The following CNTNAP2 variants were observed in gnomAD, a reference collection of about 807,000 sequenced individuals.
CNTNAP2 encodes contactin associated protein 2.
CNTNAP2 carries 98 observed loss-of-function variants against 155.2 expected under a neutral mutation model. The observed-to-expected ratio is 0.63, with a 90% CI of 0.54 to 0.75. The LOEUF (loss-of-function observed/expected upper bound fraction) is 0.75, where lower values mean the gene tolerates loss of function less well. Among genes scored for constraint, CNTNAP2 ranks in the 30% least tolerant of loss-of-function variants. The pLI is 0.00. For synonymous variants in CNTNAP2, 651 were observed against 631.2 expected, an observed-to-expected ratio of 1.03 and a Z score of -0.47; for missense variants, 1,727 against 1,688.1, an observed-to-expected ratio of 1.02 and a Z score of -0.40.
At chr7:146,490,388 T>A (rs1797120981) in intron 1 of CNTNAP2, among the ~76,000 whole-genome samples, 1 of 152,188 alleles carries the variant, frequency 6.6e-6, no homozygotes, top group African/African-American at 2.4e-5. Flanking sequence ...TGCTAAGTAT[T>A]GGTAAGTTGT....
intron 1 of CNTNAP2, among the ~76,000 whole-genome samples, chr7:146,735,554 C>A (rs28694325): frequency 0.011 from 1,731 of 151,598 alleles, 33 homozygotes; most frequent in African/African-American, 0.039. Flanking sequence ...GACTCTGTCT[C>A]AAAAAAACAC....
At chr7:148,298,144 C>T (rs1160874373) in intron 21 of CNTNAP2, among the ~76,000 whole-genome samples, 1 of 152,106 alleles carries the variant, frequency 6.6e-6, no homozygotes, top group Non-Finnish European at 1.5e-5. Flanking sequence ...CATATGTGAC[C>T]TTAATCCTAT....
At chr7:146,725,072 CT>C (rs1421563599) in intron 1 of CNTNAP2, among the ~76,000 whole-genome samples, 1 of 152,064 alleles carries the variant, frequency 6.6e-6, no homozygotes, top group Admixed American at 6.6e-5. Context: ...CTGGCGGTTG[CT>C]GTTAGTCCTT....
At chr7:146,456,272 C>T (rs1279096491) in intron 1 of CNTNAP2, among the ~76,000 whole-genome samples, 1 of 152,124 alleles carries the variant, frequency 6.6e-6, no homozygotes, top group Non-Finnish European at 1.5e-5. Flanking sequence ...TTAATGTTTT[C>T]AGCAAAGCCA....
At chr7:147,519,386 C>T (rs188264588) in intron 11 of CNTNAP2, among the ~76,000 whole-genome samples, 1 of 152,186 alleles carries the variant, frequency 6.6e-6, no homozygotes, top group East Asian at 1.9e-4. Context: ...TTCTATTGGG[C>T]CCATCTAAAA....
intron 9 of CNTNAP2, among the ~76,000 whole-genome samples, chr7:147,376,281 A>G (rs1450966727): frequency 1.3e-5 from 2 of 152,068 alleles, no homozygotes; most frequent in Middle Eastern, 3.4e-3. Context: ...GAAGGAGAGA[A>G]ATGAGGAACA....
intron 4 of CNTNAP2, among the ~76,000 whole-genome samples, chr7:147,106,245 A>C (rs939533084): frequency 1.3e-5 from 2 of 152,132 alleles, no homozygotes; most frequent in African/African-American, 4.8e-5. Flanking sequence ...TCTAGAGTTC[A>C]GAATTTACTG....
intron 1 of CNTNAP2, among the ~76,000 whole-genome samples, chr7:146,660,639 G>T (rs773480647): frequency 8.5e-5 from 13 of 152,152 alleles, no homozygotes; most frequent in Non-Finnish European, 1.3e-4. Flanking sequence ...CAATAAATGG[G>T]AGGTGTTATT....
At chr7:148,013,467 C>A (rs1802118013) in intron 15 of CNTNAP2, among the ~76,000 whole-genome samples, 4 of 152,130 alleles carry the variant, frequency 2.6e-5, no homozygotes, top group Admixed American at 2.6e-4. Context: ...CAGGCATCAC[C>A]TGGAGACAGA....
At chr7:147,881,153 G>A (rs536302584) in intron 13 of CNTNAP2, among the ~76,000 whole-genome samples, 5 of 152,238 alleles carry the variant, frequency 3.3e-5, no homozygotes, top group South Asian at 4.1e-4. Context: ...AGTTGTTGAA[G>A]AATGAAAAGG....
chr7:147,534,401 T>C (rs115036350), intron 11 of CNTNAP2, among the ~76,000 whole-genome samples: 1 of 152,194 alleles, frequency 6.6e-6, no homozygotes, highest in East Asian at 1.9e-4. Context: ...TTATATTTCT[T>C]AACAAGTTAG....
At chr7:148,348,424 A>C (rs1798363649) in intron 21 of CNTNAP2, among the ~76,000 whole-genome samples, 1 of 152,242 alleles carries the variant, frequency 6.6e-6, no homozygotes, top group African/African-American at 2.4e-5. Context: ...ATAACCCATC[A>C]TTCAGTTTAA....
At chr7:146,608,637 G>T (rs967109553) in intron 1 of CNTNAP2, among the ~76,000 whole-genome samples, 1 of 152,052 alleles carries the variant, frequency 6.6e-6, no homozygotes, top group African/African-American at 2.4e-5. Flanking sequence ...TAAGTATAAA[G>T]AATTGTCTTT....
chr7:146,397,836 G>A (rs1795651979), intron 1 of CNTNAP2, among the ~76,000 whole-genome samples: 1 of 151,000 alleles, frequency 6.6e-6, no homozygotes, highest in African/African-American at 2.5e-5. Flanking sequence ...GTAGAACTAT[G>A]TCAATATTAA....
Position 147,027,600 on chromosome 7 carries a change from G to T in CNTNAP2, c.403-16307G>T, listed in dbSNP as rs558691171. ...TCTATGTTTTAGGATAAGTAATTAG[G>T]TTCTCACAGACTGAGATTTTCATTT... On this transcript the variant is annotated intron_variant, in intron 3 of 23. Transcript: ENST00000361727. Among the ~76,000 whole-genome samples, 7 of 152,310 alleles carry T rather than the reference G, an allele frequency of 4.6e-5. No homozygotes were observed. In the South Asian group the frequency reaches 8.3e-4, roughly 18 times the overall value.
chr7:147,527,015 CTTTTTTTTTTT>C (rs888976222), intron 11 of CNTNAP2, among the ~76,000 whole-genome samples: 5 of 65,168 alleles, frequency 7.7e-5, no homozygotes, highest in East Asian at 8.8e-4. Flanking sequence ...ACAGGCATTT[CTTTTTTTTTTT>C]TTTTTTTTTT....
intron 1 of CNTNAP2, among the ~76,000 whole-genome samples, chr7:146,673,042 A>T (rs572435878): frequency 6.6e-6 from 1 of 151,434 alleles, no homozygotes; most frequent in Admixed American, 6.6e-5. Context: ...TTTACTTCTC[A>T]TTTTTTTTCC....
chr7:146,822,096 G>T (rs1803297055), intron 2 of CNTNAP2, among the ~76,000 whole-genome samples: 1 of 152,100 alleles, frequency 6.6e-6, no homozygotes, highest in African/African-American at 2.4e-5. Context: ...CGATAGACTG[G>T]ATTAAGAAAA....
At chr7:146,653,233 C>T (rs1177596713) in intron 1 of CNTNAP2, among the ~76,000 whole-genome samples, 2 of 152,124 alleles carry the variant, frequency 1.3e-5, no homozygotes, top group African/African-American at 4.8e-5. Context: ...TTGCCAGCTC[C>T]TGATTCCAGA....
Sources: allele counts gnomAD v4.1 joint callset (sites outside exome capture counted in the v4.1 genomes callset), GRCh38; gene constraint gnomAD v4.1.1; transcripts MANE v1.5; gene names NCBI Gene and HGNC (gene_info 2026-07-23, HGNC 2026-07-21).